The following ABHD2 variants were observed in gnomAD, a reference collection of about 807,000 sequenced individuals.
The protein encoded by ABHD2 is monoacylglycerol lipase ABHD2.
In ABHD2, 20 loss-of-function variants were observed where a neutral mutation model predicts 48.1. That is an observed-to-expected ratio of 0.42 (90% CI 0.29 to 0.60). The LOEUF (loss-of-function observed/expected upper bound fraction) is 0.60, where lower values mean the gene tolerates loss of function less well. ABHD2 is among the 20% of genes least tolerant of loss of function. ABHD2 has a pLI of 0.24. For synonymous variants in ABHD2, 209 were observed against 214.2 expected (o/e 0.98, Z 0.21); for missense variants, 405 against 550.9 (o/e 0.74, Z 2.65).
At chr15:89,107,308 T>C (rs1462574217) in intron 1 of ABHD2, among the ~76,000 whole-genome samples, 1 of 152,134 alleles carries the variant, frequency 6.6e-6, no homozygotes, top group Non-Finnish European at 1.5e-5. Flanking sequence ...TTTTAGAAGA[T>C]ATGGTTCCAT....
At chr15:89,161,829 A>G (rs2050766452) in intron 5 of ABHD2, among the ~76,000 whole-genome samples, 1 of 152,206 alleles carries the variant, frequency 6.6e-6, no homozygotes, top group Non-Finnish European at 1.5e-5. Context: ...GCAATATCCA[A>G]ATACCACAGT....
At chr15:89,171,872 C>G (rs1473844058) in intron 5 of ABHD2, among the ~76,000 whole-genome samples, 1 of 152,158 alleles carries the variant, frequency 6.6e-6, no homozygotes, top group Non-Finnish European at 1.5e-5. Flanking sequence ...GATCCCACCC[C>G]CAGACGTTCT....
At chr15:89,180,894 A>G (rs2051099528) in intron 6 of ABHD2, among the ~76,000 whole-genome samples, 1 of 152,228 alleles carries the variant, frequency 6.6e-6, no homozygotes, top group South Asian at 2.1e-4. Flanking sequence ...TATTTTAAAA[A>G]ATCAAGAAAA....
intron 3 of ABHD2, among the ~76,000 whole-genome samples, chr15:89,126,203 G>A (rs921109520): frequency 9.2e-5 from 14 of 152,186 alleles, no homozygotes; most frequent in Admixed American, 8.5e-4. Flanking sequence ...TTCAGTACAT[G>A]TGGACGGTAA....
the ABHD2 span, among the ~76,000 whole-genome samples, chr15:89,054,271 G>A: frequency 6.6e-6 from 1 of 150,452 alleles, no homozygotes; most frequent in East Asian, 2.0e-4. Flanking sequence ...GCAGTGAGCC[G>A]AGATAGCACC....
Position 89,092,716 on chromosome 15 carries a change from T to G in ABHD2, c.-107+4153T>G, listed in dbSNP as rs892284187. Among the ~76,000 whole-genome samples, 5 of 152,214 alleles carry G rather than the reference T, an allele frequency of 3.3e-5. No individual in the cohort carries two copies. The highest frequency in any genetic ancestry group is 1.2e-4 in the African/African-American group (5 of 41,456). Reference sequence around the variant, plus strand: ...TTAAACATATTCTGTACACCACCCCTTTTTGCAGAAATGGTAGCACACTGC... The same window carrying G: ...TTAAACATATTCTGTACACCACCCCGTTTTGCAGAAATGGTAGCACACTGC... On this transcript the variant is annotated intron_variant, in intron 1 of 10. Transcript: ENST00000352732. This position sits in a 1 kb window ranked among gnomAD's most constrained non-coding sequence, Gnocchi z 4.4.
chr15:89,059,858 G>C, the ABHD2 span, among the ~76,000 whole-genome samples: 9 of 152,236 alleles, frequency 5.9e-5, no homozygotes, highest in African/African-American at 1.9e-4. Context: ...CGTGGCCGAA[G>C]GAAAACCTCA....
intron 1 of ABHD2, among the ~76,000 whole-genome samples, chr15:89,103,621 T>C (rs1596065414): frequency 6.6e-6 from 1 of 152,232 alleles, no homozygotes; most frequent in African/African-American, 2.4e-5. Flanking sequence ...CAGCACAGAA[T>C]GTTCAGGGGG....
chr15:89,098,986 A>C (rs963631029), intron 1 of ABHD2, among the ~76,000 whole-genome samples: 1 of 152,186 alleles, frequency 6.6e-6, no homozygotes, highest in Non-Finnish European at 1.5e-5. Flanking sequence ...AACAGCTTAT[A>C]AGATGGATGG....
intron 3 of ABHD2, among the ~76,000 whole-genome samples, chr15:89,118,698 C>T (rs2050000809): frequency 6.6e-6 from 1 of 152,092 alleles, no homozygotes; most frequent in Admixed American, 6.5e-5. Context: ...GGAAGGAAGC[C>T]ATGCAAAAGC....
rs1009238811 is a variant in ABHD2, at chr15:89,173,370, C to CA, written c.539-2440dup. Among the ~76,000 whole-genome samples the CA allele has an allele frequency of 3.3e-5, 5 of 152,084 alleles. No homozygotes were observed. Among genetic ancestry groups the CA allele is most frequent in the African/African-American group, 1.2e-4 (5 of 41,408 alleles). On this transcript the variant is annotated intron_variant, in intron 5 of 10. Transcript: ENST00000352732. This position sits in a 1 kb window ranked among gnomAD's most constrained non-coding sequence, Gnocchi z 6.5. Reference sequence around the variant, plus strand: ...GGCAGATCACCTGAGGTCAGGAGTTCAAGACCAGACTGGCCAACAAGACAA... The same window carrying CA: ...GGCAGATCACCTGAGGTCAGGAGTTCAAAGACCAGACTGGCCAACAAGACAA...
the ABHD2 span, among the ~76,000 whole-genome samples, chr15:89,053,189 A>G: frequency 1.3e-4 from 19 of 151,822 alleles, no homozygotes; most frequent in Non-Finnish European, 2.4e-4. Flanking sequence ...GATGGTCTCA[A>G]TCTCCTGACC....
upstream of ABHD2, among the ~76,000 whole-genome samples, chr15:89,084,574 C>T (rs896991185): frequency 6.6e-6 from 1 of 152,170 alleles, no homozygotes; most frequent in African/African-American, 2.4e-5. The surrounding 1 kb of genome is among the most constrained non-coding windows in gnomAD (Gnocchi z 4.4). Context: ...GTTGGGATTA[C>T]AGGCATGAGC....
intron 6 of ABHD2, among the ~76,000 whole-genome samples, chr15:89,181,747 A>G (rs1171893187): frequency 6.6e-6 from 1 of 152,206 alleles, no homozygotes; most frequent in East Asian, 1.9e-4. Flanking sequence ...CGTTTTCATC[A>G]GTACTTGGTC....
chr15:89,051,136 G>A, the ABHD2 span, among the ~76,000 whole-genome samples: 2 of 152,196 alleles, frequency 1.3e-5, no homozygotes, highest in East Asian at 3.9e-4. Flanking sequence ...AGGAGGCTGA[G>A]GCAGGAGAAT....
the ABHD2 span, among the ~76,000 whole-genome samples, chr15:89,041,550 C>G: frequency 6.6e-6 from 1 of 152,248 alleles, no homozygotes; most frequent in African/African-American, 2.4e-5. Context: ...AAAAGCCAGA[C>G]TGTCCTAGTG....
In ABHD2 at chr15:89,104,718, T is replaced by C. The variant is rs1399704164; in HGVS notation, c.-106-9007T>C. On this transcript the variant is annotated intron_variant, in intron 1 of 10. Transcript: ENST00000352732. The surrounding 1 kb of genome is among the most constrained non-coding windows in gnomAD (Gnocchi z 4.4). ...GTTGAGTGGTTCTTCAGGCAACGGT[T>C]GTGCCAGGCACTGGGTCTTGCCCTC... Among the ~76,000 whole-genome samples the C allele has an allele frequency of 6.6e-6, 1 of 152,240 alleles. No individual in the cohort carries two copies. The highest frequency in any genetic ancestry group is 1.5e-5 in the Non-Finnish European group (1 of 68,040).
intron 5 of ABHD2, among the ~76,000 whole-genome samples, chr15:89,159,477 C>T (rs1452096930): frequency 6.6e-6 from 1 of 152,088 alleles, no homozygotes; most frequent in Non-Finnish European, 1.5e-5. Flanking sequence ...GATCTATGGG[C>T]GAGGAGTCAA....
chr15:89,078,981 C>T, the ABHD2 span, among the ~76,000 whole-genome samples: 3 of 152,166 alleles, frequency 2.0e-5, no homozygotes, highest in Non-Finnish European at 4.4e-5. Flanking sequence ...GATCCACCTG[C>T]CTCAGCCTCC....
Sources: allele counts gnomAD v4.1 joint callset (sites outside exome capture counted in the v4.1 genomes callset), GRCh38; gene constraint gnomAD v4.1.1; non-coding constraint Gnocchi (gnomAD v3.1); transcripts MANE v1.5; gene names NCBI Gene and HGNC (gene_info 2026-07-23, HGNC 2026-07-21).